RYR2: variants seen among roughly 807,000 people sequenced by gnomAD.
RYR2 encodes the protein cardiac muscle ryanodine receptor-calcium release channel.
RYR2 carries 227 observed loss-of-function variants against 601.1 expected under a neutral mutation model. The observed-to-expected ratio is 0.38, with a 90% CI of 0.34 to 0.42. The LOEUF (loss-of-function observed/expected upper bound fraction) is 0.42. Among genes scored for constraint, RYR2 ranks in the 10% least tolerant of loss-of-function variants. RYR2 has a pLI of 1.00. For missense variants in RYR2, 4,646 were observed against 6,156.5 expected (o/e 0.75, Z 8.21); for synonymous variants, 2,223 against 2,175.1 (o/e 1.02, Z -0.61).
At position 237,118,596 on chromosome 1, in the gene RYR2, TTTTG is replaced by T. The variant is rs1048990544; in HGVS notation, c.48+76042_48+76045del. On this transcript the variant is annotated intron_variant, in intron 1 of 104. Transcript: ENST00000366574. ...AAATAGGGAGTTATTGTTTGTTTGT[TTTTG>T]TTTGTTTGTTTGTTCTTTTTTGAGA... Among the ~76,000 whole-genome samples the T allele has an allele frequency of 1.3e-3, 194 of 151,882 alleles. 2 individuals carry two copies. Among genetic ancestry groups the T allele is most frequent in the African/African-American group, 4.6e-3 (190 of 41,428 alleles).
chr1:237,710,070 T>C lies in RYR2; in HGVS notation c.10230+503T>C, dbSNP rs74624942. Among the ~76,000 whole-genome samples the C allele has an allele frequency of 9.2e-4, 140 of 152,340 alleles. 1 individual carries two copies. In the East Asian group the frequency reaches 0.015, roughly 17 times the overall value. On this transcript the variant is annotated intron_variant, in intron 70 of 104. Coordinates refer to ENST00000366574, the MANE Select transcript of RYR2 (RefSeq NM_001035.3). ...TTCTTTCTACTGACAATCCTGTTGA[T>C]AGAATTTCTAAAGTACGTATTTGGT...
intron 1 of RYR2, among the ~76,000 whole-genome samples, chr1:237,189,785 C>T (rs2148992302): frequency 6.6e-6 from 1 of 152,204 alleles, no homozygotes; most frequent in East Asian, 1.9e-4. Context: ...TATAGCAGCA[C>T]AAACTAAGAC....
chr1:237,276,903 G>T (rs1310981625), intron 2 of RYR2, among the ~76,000 whole-genome samples: 1 of 151,934 alleles, frequency 6.6e-6, no homozygotes, highest in Non-Finnish European at 1.5e-5. Context: ...AATAAAAGAA[G>T]GAAAAGTTTC....
chr1:237,723,410 G>T, intron 74 of RYR2, 148 bp downstream of exon 74: 1 of 528,740 alleles, frequency 1.9e-6, no homozygotes, highest in Non-Finnish European at 3.2e-6. Context: ...GGTGTGCTTA[G>T]TATTTCATAA....
chr1:237,797,831 C>G (rs1280488860), intron 96 of RYR2, among the ~76,000 whole-genome samples: 1 of 152,080 alleles, frequency 6.6e-6, no homozygotes, highest in African/African-American at 2.4e-5. Context: ...AAATCTTGTT[C>G]CTCAGATAGG....
chr1:237,753,948 A>C (rs1480162760), intron 80 of RYR2, among the ~76,000 whole-genome samples: 1 of 151,004 alleles, frequency 6.6e-6, no homozygotes, highest in African/African-American at 2.4e-5. Context: ...AATTTATAAT[A>C]AACTTTCCCT....
chr1:237,288,113 A>G (rs1691761186), intron 2 of RYR2, among the ~76,000 whole-genome samples: 1 of 152,210 alleles, frequency 6.6e-6, no homozygotes, highest in Non-Finnish European at 1.5e-5. Context: ...GAGTCTACCC[A>G]GATCCAGGCT....
At chr1:237,392,517 A>G (rs1394625259) in intron 10 of RYR2, among the ~76,000 whole-genome samples, 4 of 152,266 alleles carry the variant, frequency 2.6e-5, no homozygotes, top group African/African-American at 9.6e-5. Context: ...TTGACATTTG[A>G]CTACTAAATT....
intron 1 of RYR2, among the ~76,000 whole-genome samples, chr1:237,085,758 CT>C (rs905027311): frequency 6.6e-6 from 1 of 151,144 alleles, no homozygotes; most frequent in African/African-American, 2.4e-5. Flanking sequence ...CTGCTTCTGA[CT>C]TTTTTTTTGA....
chr1:237,095,416 CA>C (rs1260065699), intron 1 of RYR2, among the ~76,000 whole-genome samples: 9 of 152,218 alleles, frequency 5.9e-5, no homozygotes, highest in Admixed American at 1.3e-4. Flanking sequence ...ACCACCCTCC[CA>C]CGTATTTACA....
intron 1 of RYR2, among the ~76,000 whole-genome samples, chr1:237,058,970 T>G (rs2385609): frequency 0.026 from 3,961 of 152,310 alleles, 162 homozygotes; most frequent in African/African-American, 0.088. Context: ...GCAGAAATTT[T>G]TTTTTGAATT....
intron 12 of RYR2, among the ~76,000 whole-genome samples, chr1:237,428,822 G>A (rs1307199771): frequency 6.6e-6 from 1 of 150,530 alleles, no homozygotes; most frequent in Non-Finnish European, 1.5e-5. Context: ...AATAAATATA[G>A]GGTAGTACTA....
intron 3 of RYR2, among the ~76,000 whole-genome samples, chr1:237,344,412 C>T (rs1383038657): frequency 6.6e-6 from 1 of 152,188 alleles, no homozygotes; most frequent in Admixed American, 6.5e-5. Flanking sequence ...GTTCTTTATA[C>T]TATTCGTTCT....
intron 1 of RYR2, among the ~76,000 whole-genome samples, chr1:237,046,762 G>T (rs1660655192): frequency 6.6e-6 from 1 of 152,198 alleles, no homozygotes; most frequent in South Asian, 2.1e-4. Flanking sequence ...TCTTTAGATA[G>T]CTTTCGGGAG....
intron 2 of RYR2, among the ~76,000 whole-genome samples, chr1:237,315,300 A>T (rs906217205): frequency 6.6e-6 from 1 of 152,146 alleles, no homozygotes; most frequent in Non-Finnish European, 1.5e-5. Context: ...TAACATTTTA[A>T]TGTTTGAGTC....
Position 237,614,350 on chromosome 1 carries a change from A to T in RYR2, c.5222A>T (p.Asp1741Val). 1 of 1,614,028 alleles carries T rather than the reference A, an allele frequency of 6.2e-7. No individual in the cohort carries two copies. Among genetic ancestry groups the T allele is most frequent in the Admixed American group, 1.7e-5 (1 of 60,022 alleles). The change falls in exon 37 of 105, where the codon GAT (aspartate) becomes GTT (valine). Residue 1741 changes from aspartate to valine, a missense_variant. Coordinates refer to ENST00000366574, the MANE Select transcript of RYR2 (RefSeq NM_001035.3). The surrounding 1 kb of genome is among the most constrained non-coding windows in gnomAD (Gnocchi z 4.3). ...EETKSITLFPDENKKHGLPGI... is the reference protein window; with the variant it reads ...EETKSITLFPVENKKHGLPGI... ...ACGAAGAGCATCACCCTGTTCCCTGATGAGAACAAAAAACACGGCCTTCCA... is the reference window on the plus strand; with the variant it reads ...ACGAAGAGCATCACCCTGTTCCCTGTTGAGAACAAAAAACACGGCCTTCCA...
chr1:237,594,649 T>A (rs1349346852), intron 33 of RYR2, among the ~76,000 whole-genome samples: 1 of 152,116 alleles, frequency 6.6e-6, no homozygotes, highest in Non-Finnish European at 1.5e-5. Context: ...GTAGATAGTG[T>A]GAAGAAATGC....
intron 46 of RYR2, among the ~76,000 whole-genome samples, chr1:237,639,551 A>G (rs1681239439): frequency 6.6e-6 from 1 of 152,130 alleles, no homozygotes. Context: ...AGGTAGTTAG[A>G]ATGAGATTTT....
At chr1:237,504,813 A>G (rs531638762) in intron 22 of RYR2, among the ~76,000 whole-genome samples, 2 of 151,976 alleles carry the variant, frequency 1.3e-5, no homozygotes, top group African/African-American at 4.8e-5. Context: ...CTGGAAGACA[A>G]TTTTTCCACG....
Sources: allele counts gnomAD v4.1 joint callset (sites outside exome capture counted in the v4.1 genomes callset), GRCh38; gene constraint gnomAD v4.1.1; non-coding constraint Gnocchi (gnomAD v3.1); transcripts MANE v1.5; gene names NCBI Gene and HGNC (gene_info 2026-07-23, HGNC 2026-07-21).